The following SMG1 variants were observed in gnomAD, a reference collection of about 807,000 sequenced individuals.
The protein encoded by SMG1 is serine/threonine-protein kinase SMG1.
A neutral mutation model predicts 419.9 loss-of-function variants in SMG1; 22 were observed. The observed-to-expected ratio is 0.05, with a 90% CI of 0.04 to 0.07. SMG1 has a LOEUF of 0.07. Ranked by LOEUF, SMG1 falls within the 10% of genes least tolerant of loss-of-function variation. The pLI, the probability that SMG1 is intolerant of heterozygous loss-of-function variation, is 1.00. For synonymous variants in SMG1, 1,538 were observed against 1,553.5 expected, an observed-to-expected ratio of 0.99 and a Z score of 0.23; for missense variants, 3,185 against 4,342.0, an observed-to-expected ratio of 0.73 and a Z score of 7.49.
At chr16:18,889,865 T>C (rs2036801158) in intron 5 of SMG1, among the ~76,000 whole-genome samples, 1 of 152,150 alleles carries the variant, frequency 6.6e-6, no homozygotes, top group African/African-American at 2.4e-5. Context: ...TCAAACTGTA[T>C]TAAATAACTC....
chr16:18,845,257 T>A (rs1317706790), intron 39 of SMG1, among the ~76,000 whole-genome samples, 172 bp downstream of exon 39: 1 of 152,160 alleles, frequency 6.6e-6, no homozygotes. Flanking sequence ...TTCCAAATTC[T>A]TAAACAGAAA....
chr16:18,911,234 T>C (rs2037780076), intron 1 of SMG1: 1 of 152,262 alleles, frequency 6.6e-6, no homozygotes, highest in African/African-American at 2.4e-5. Context: ...GCAGGCATGG[T>C]GGCTCACACC....
At chr16:18,888,914 G>C (rs182671253) in intron 6 of SMG1, among the ~76,000 whole-genome samples, 1 of 142,828 alleles carries the variant, frequency 7.0e-6, no homozygotes, top group Non-Finnish European at 1.5e-5. Flanking sequence ...GCTCCGCCTC[G>C]CAGGTTCACG....
At chr16:18,848,801 G>A (rs1402352585) in intron 36 of SMG1, among the ~76,000 whole-genome samples, 4 of 151,812 alleles carry the variant, frequency 2.6e-5, no homozygotes, top group South Asian at 2.1e-4. Flanking sequence ...AGCCGGGCAC[G>A]GTGGCTCATA....
intron 35 of SMG1, 66 bp from the exon 36 acceptor site, chr16:18,849,444 C>T: frequency 1.4e-6 from 2 of 1,454,408 alleles, no homozygotes; most frequent in Non-Finnish European, 1.9e-6. Context: ...CTATCAGCAT[C>T]GTAGATCAAA....
At chr16:18,904,581 T>C (rs1269246868) in intron 1 of SMG1, among the ~76,000 whole-genome samples, 1 of 151,572 alleles carries the variant, frequency 6.6e-6, no homozygotes, top group African/African-American at 2.4e-5. Context: ...GAGCTTGCAG[T>C]AAGCCGAGAT....
intron 60 of SMG1, among the ~76,000 whole-genome samples, chr16:18,812,647 T>TATACACATAC (rs67600193): frequency 7.8e-6 from 1 of 127,658 alleles, no homozygotes; most frequent in Non-Finnish European, 1.9e-5. Flanking sequence ...TATACACATA[T>TATACACATAC]ACACACACAC....
At chr16:18,865,534 C>G (rs534389577) in intron 23 of SMG1, among the ~76,000 whole-genome samples, 1 of 132,662 alleles carries the variant, frequency 7.5e-6, no homozygotes, top group South Asian at 2.1e-4. Context: ...TTAAGTGCTA[C>G]GGTACATTTA....
chr16:18,850,292 A>T lies in SMG1; in HGVS notation c.5228T>A (p.Leu1743Gln), dbSNP rs560653208. ...GTATGCACTGCAAGAGAGTTTGTAC[A>T]GGCTGAATATTCTATCTACAACTTT... ...WRKVVDRIFS[L>Q]YKLSCSAYFT... The change falls in exon 34 of 63, where the codon CTG (leucine) becomes CAG (glutamine). Residue 1743 changes from leucine to glutamine, a missense_variant. This residue lies in a region of SMG1 where 493 missense variants were observed against 552.9 expected (regional missense o/e 0.89). Coordinates refer to ENST00000446231, the MANE Select transcript of SMG1 (RefSeq NM_015092.5). 5.2e-5 allele frequency: 84 copies of T among 1,613,560 alleles called. No individual in the cohort carries two copies. Among genetic ancestry groups the T allele is most frequent in the Non-Finnish European group, 6.9e-5 (81 of 1,179,688 alleles).
At chr16:18,813,908 G>A (rs2031715953) in intron 60 of SMG1, among the ~76,000 whole-genome samples, 1 of 151,248 alleles carries the variant, frequency 6.6e-6, no homozygotes, top group Non-Finnish European at 1.5e-5. Context: ...GCAGGTTCTT[G>A]TAATTCCAGC....
At chr16:18,834,562 A>G (rs2033429858) in intron 49 of SMG1, 124 bp from the exon 50 acceptor site, 1 of 882,152 alleles carries the variant, frequency 1.1e-6, no homozygotes, top group Non-Finnish European at 1.7e-6. Flanking sequence ...AGATGACTTC[A>G]GGCCAGGAGT....
In SMG1 at chr16:18,916,432, G is replaced by A. The variant is rs967839848; in HGVS notation, c.92+9518C>T. ...CGGGAGGCTGAGGCAGGAGAATGGC[G>A]TGAACCCCGGGGGGTGGAGCCTGCA... On this transcript the variant is annotated intron_variant, in intron 1 of 62. Coordinates refer to ENST00000446231, the MANE Select transcript of SMG1 (RefSeq NM_015092.5). Among the ~76,000 whole-genome samples, 9 of 148,802 alleles carry A rather than the reference G, an allele frequency of 6.0e-5. 1 individual carries two copies. In the South Asian group the frequency reaches 6.4e-4, roughly 11 times the overall value.
chr16:18,807,263 G>C lies in SMG1; in HGVS notation c.*2306C>G, dbSNP rs760934664. ...ACTAATGTGAACTGACTATCATTGC[G>C]ATAAAAGTTTTTCCTTATGATGACA... On this transcript the variant is annotated 3_prime_UTR_variant, in exon 63 of 63. Transcript: ENST00000446231. The C allele has an allele frequency of 6.6e-6, 1 of 152,112 alleles. No homozygotes were observed. Among genetic ancestry groups the C allele is most frequent in the Non-Finnish European group, 1.5e-5 (1 of 68,022 alleles). 9.4% of individuals were successfully genotyped at this position (152,112 alleles called of 1,614,324 possible).
At chr16:18,838,797 A>G in intron 42 of SMG1, 108 bp from the exon 43 acceptor site, 1 of 733,948 alleles carries the variant, frequency 1.4e-6, no homozygotes, top group Admixed American at 2.7e-5. Context: ...CTACTCCCTT[A>G]TTTTAAAATA....
At chr16:18,830,183 C>T (rs760197169) in intron 52 of SMG1, 36 bp downstream of exon 52, 1 of 1,611,326 alleles carries the variant, frequency 6.2e-7, no homozygotes, top group South Asian at 1.1e-5. Context: ...TACTTTATGG[C>T]ACTTGCATTA....
Position 18,834,395 on chromosome 16 carries a change from G to C in SMG1, c.8374C>G (p.Gln2792Glu), listed in dbSNP as rs1400218683. 6.2e-7 allele frequency: 1 copy of C among 1,613,784 alleles called. No homozygotes were observed. The highest frequency in any genetic ancestry group is 1.7e-5 in the Admixed American group (1 of 59,980). ...TCCCGAGAAGTCAGATCAACCAGCTGTTCTCCAGCACTTGACGCTGCACCT... is the reference window on the plus strand; with the variant it reads ...TCCCGAGAAGTCAGATCAACCAGCTCTTCTCCAGCACTTGACGCTGCACCT... Reference protein sequence around the residue: ...MEGAASSAGEQLVDLTSRDGA... With the variant: ...MEGAASSAGEELVDLTSRDGA... The change falls in exon 50 of 63, where the codon CAG becomes GAG. Residue 2792 changes from glutamine to glutamate, a missense_variant. Coordinates refer to ENST00000446231, the MANE Select transcript of SMG1 (RefSeq NM_015092.5).
At chr16:18,810,310 G>A (rs2031261467) in intron 62 of SMG1, among the ~76,000 whole-genome samples, 2 of 152,122 alleles carry the variant, frequency 1.3e-5, no homozygotes, top group Non-Finnish European at 2.9e-5. Flanking sequence ...AAAAAATCTT[G>A]AATGAATTGA....
Position 18,836,375 on chromosome 16 carries a change from T to C in SMG1, c.7762A>G (p.Thr2588Ala), listed in dbSNP as rs547346139. 1.2e-6 allele frequency: 2 copies of C among 1,613,848 alleles called. No homozygotes were observed. Among genetic ancestry groups the C allele is most frequent in the African/African-American group, 1.3e-5 (1 of 75,056 alleles). The change falls in exon 47 of 63, where the codon ACA (threonine) becomes GCA (alanine). Residue 2588 changes from threonine to alanine, a missense_variant. Physicochemically the swap from Thr to Ala is moderately conservative, Grantham distance 58. This residue lies in a region of SMG1 where 412 missense variants were observed against 546.6 expected (regional missense o/e 0.75). Coordinates refer to ENST00000446231, the MANE Select transcript of SMG1 (RefSeq NM_015092.5). ...CAACCCATACCAAGGTCCATTTGTG[T>C]GCTTATCTCTTGAAGCAAGCTTGCA... The part of the protein sequence containing the change: ...QLASLLQEIS[T>A]QMDLGPPSYV...
At position 18,864,489 on chromosome 16, in the gene SMG1, C is replaced by T. The variant is rs376421974; in HGVS notation, c.3351-345G>A. 3.0e-4 allele frequency among the ~76,000 whole-genome samples: 45 copies of T among 152,092 alleles called. No individual in the cohort carries two copies. In the South Asian group the frequency reaches 7.7e-3, roughly 26 times the overall value. On this transcript the variant is annotated intron_variant, in intron 23 of 62. Coordinates refer to ENST00000446231, the MANE Select transcript of SMG1 (RefSeq NM_015092.5). Reference sequence around the variant, plus strand: ...CTGGGATTATGGGCATGAGCCACCGCGCCTGGCCTTTACTTACTTATTTTT... The same window carrying T: ...CTGGGATTATGGGCATGAGCCACCGTGCCTGGCCTTTACTTACTTATTTTT...
Sources: allele counts gnomAD v4.1 joint callset (sites outside exome capture counted in the v4.1 genomes callset), GRCh38; gene constraint gnomAD v4.1.1; regional missense constraint gnomAD v4.1.1; transcripts MANE v1.5; gene names NCBI Gene and HGNC (gene_info 2026-07-23, HGNC 2026-07-21).